Variants in KIAA1328 observed in about 807,000 individuals in gnomAD.
KIAA1328 encodes protein hinderin.
KIAA1328 carries 52 observed loss-of-function variants against 68.1 expected under a neutral mutation model. The observed-to-expected ratio is 0.76, with a 90% CI of 0.61 to 0.96. KIAA1328 has a LOEUF of 0.96. Among genes scored for constraint, KIAA1328 ranks in the 40% least tolerant of loss-of-function variants. The pLI is 0.00. For missense variants in KIAA1328, 641 were observed against 677.6 expected, an observed-to-expected ratio of 0.95 and a Z score of 0.60; for synonymous variants, 232 against 239.4, an observed-to-expected ratio of 0.97 and a Z score of 0.28.
At chr18:37,186,422 C>G (rs1437582483) in intron 9 of KIAA1328, among the ~76,000 whole-genome samples, 1 of 151,654 alleles carries the variant, frequency 6.6e-6, no homozygotes, top group Non-Finnish European at 1.5e-5. Flanking sequence ...AAAAAATTAG[C>G]CAGGCATGGT....
At chr18:37,209,765 A>G (rs1465625658) in intron 9 of KIAA1328, among the ~76,000 whole-genome samples, 1 of 152,182 alleles carries the variant, frequency 6.6e-6, no homozygotes, top group Non-Finnish European at 1.5e-5. Context: ...GAAAAAAAAA[A>G]AAGAGTTCTG....
rs774315647 is a variant in KIAA1328, at chr18:37,067,258, T to G, written c.945T>G (p.Val315=). 3.1e-6 allele frequency: 5 copies of G among 1,613,872 alleles called. No homozygotes were observed. In the African/African-American group the frequency reaches 6.7e-5, roughly 22 times the overall value. Residue 315 remains valine (V), a synonymous_variant, in exon 7 of 10, where the codon GTT becomes GTG. Transcript: ENST00000280020. ...GTCATAGACTTGCTGCAGATCGTGT[T>G]CATGACAGCCATCCTACAAACATGA... is the stretch of plus-strand genomic sequence containing the variant. ...CCGHRLAADR[V]HDSHPTNMTP...
chr18:36,961,574 G>A (rs929873252), intron 6 of KIAA1328, among the ~76,000 whole-genome samples: 2 of 152,112 alleles, frequency 1.3e-5, no homozygotes, highest in African/African-American at 2.4e-5. Flanking sequence ...GAGAAAGGTC[G>A]GGTTACCCAC....
chr18:36,994,360 T>C (rs980997942), intron 6 of KIAA1328, among the ~76,000 whole-genome samples: 1 of 152,188 alleles, frequency 6.6e-6, no homozygotes, highest in African/African-American at 2.4e-5. Context: ...TTTGAAAGAA[T>C]TTTTTAGATC....
At chr18:37,210,540 A>G (rs1306221080) in intron 9 of KIAA1328, among the ~76,000 whole-genome samples, 1 of 152,104 alleles carries the variant, frequency 6.6e-6, no homozygotes, top group African/African-American at 2.4e-5. Flanking sequence ...TTTTCAAGGG[A>G]TGGTACTTTA....
At chr18:37,148,313 C>G (rs1346379664) in intron 7 of KIAA1328, among the ~76,000 whole-genome samples, 1 of 152,120 alleles carries the variant, frequency 6.6e-6, no homozygotes, top group Non-Finnish European at 1.5e-5. Flanking sequence ...GATCTTGTTC[C>G]TTTTTATGAC....
At chr18:37,036,749 A>G (rs1394380685) in intron 6 of KIAA1328, among the ~76,000 whole-genome samples, 2 of 152,354 alleles carry the variant, frequency 1.3e-5, no homozygotes, top group South Asian at 2.1e-4. Flanking sequence ...TTACATGCAC[A>G]CACACACATA....
At chr18:37,074,373 A>G (rs1199225633) in intron 7 of KIAA1328, among the ~76,000 whole-genome samples, 1 of 152,156 alleles carries the variant, frequency 6.6e-6, no homozygotes, top group Non-Finnish European at 1.5e-5. Context: ...TAAGATTTTT[A>G]GTTGTACAGG....
chr18:37,166,366 C>T (rs1429333843), intron 8 of KIAA1328, among the ~76,000 whole-genome samples: 1 of 152,096 alleles, frequency 6.6e-6, no homozygotes, highest in African/African-American at 2.4e-5. Flanking sequence ...CATATGTGGC[C>T]CAGGACAGCT....
chr18:37,026,139 T>C (rs2861084), intron 6 of KIAA1328, among the ~76,000 whole-genome samples: 140,102 of 152,192 alleles, frequency 0.92, 65,600 homozygotes, highest in East Asian at 1. Flanking sequence ...TGGATAAATT[T>C]CTCGACACAT....
At chr18:37,203,775 C>T (rs1449774141) in intron 9 of KIAA1328, among the ~76,000 whole-genome samples, 1 of 151,850 alleles carries the variant, frequency 6.6e-6, no homozygotes, top group Non-Finnish European at 1.5e-5. Flanking sequence ...CATATGCCCT[C>T]AGGCCTTTCC....
In KIAA1328 at chr18:37,015,697, CT is replaced by C. The variant is rs1161775956; in HGVS notation, c.577-51191del. 3.3e-5 allele frequency among the ~76,000 whole-genome samples: 5 copies of C among 151,970 alleles called. No individual in the cohort carries two copies. In the East Asian group the frequency reaches 9.6e-4, roughly 29 times the overall value. On this transcript the variant is annotated intron_variant, in intron 6 of 9. Coordinates refer to ENST00000280020, the MANE Select transcript of KIAA1328 (RefSeq NM_020776.3). Reference sequence around the variant, plus strand: ...CTTTCTGCAGTGTTTTGTAGTTCTCCTTGTAGAAATTTTTCACCTCTTGGCT... The same window carrying C: ...CTTTCTGCAGTGTTTTGTAGTTCTCCTGTAGAAATTTTTCACCTCTTGGCT...
At chr18:36,833,986 C>G (rs1386095805) in intron 1 of KIAA1328, among the ~76,000 whole-genome samples, 1 of 152,030 alleles carries the variant, frequency 6.6e-6, no homozygotes, top group Non-Finnish European at 1.5e-5. Flanking sequence ...AGGAAAGGAA[C>G]CTAATAGTAG....
intron 5 of KIAA1328, among the ~76,000 whole-genome samples, chr18:36,917,161 T>G (rs1332568010): frequency 1.3e-5 from 2 of 152,098 alleles, no homozygotes; most frequent in African/African-American, 2.4e-5. Flanking sequence ...CCTTCATGGG[T>G]CATGTTTTCT....
intron 9 of KIAA1328, among the ~76,000 whole-genome samples, chr18:37,192,965 T>G (rs1215274481): frequency 6.6e-6 from 1 of 152,114 alleles, no homozygotes; most frequent in African/African-American, 2.4e-5. Context: ...ATAATTTTAT[T>G]TTTATACTTG....
intron 5 of KIAA1328, chr18:36,895,642 G>C (rs2048843772): frequency 1.3e-5 from 5 of 398,284 alleles, no homozygotes; most frequent in Admixed American, 7.8e-5. Flanking sequence ...GGCTTAGCAA[G>C]GTTCGTTTGC....
chr18:37,107,880 AG>A (rs1432314063), intron 7 of KIAA1328, among the ~76,000 whole-genome samples: 8 of 113,164 alleles, frequency 7.1e-5, no homozygotes, highest in Non-Finnish European at 1.8e-4. Context: ...AAAAAAAAAC[AG>A]ATGCTGGCAA....
intron 3 of KIAA1328, among the ~76,000 whole-genome samples, chr18:36,842,334 G>C (rs1600943653): frequency 6.6e-6 from 1 of 152,266 alleles, no homozygotes; most frequent in East Asian, 1.9e-4. Flanking sequence ...GGAATCAGCA[G>C]TACTTGCCAG....
chr18:37,090,691 G>T (rs1353183258), intron 7 of KIAA1328, among the ~76,000 whole-genome samples: 2 of 152,138 alleles, frequency 1.3e-5, no homozygotes, highest in Non-Finnish European at 2.9e-5. Context: ...ATTTTGAAAG[G>T]TATATGGTCT....
Sources: gnomAD v4.1 joint callset for allele counts (sites outside exome capture counted in the v4.1 genomes callset) on GRCh38, gnomAD v4.1.1 for gene constraint, MANE v1.5 for transcripts, NCBI Gene and HGNC (gene_info 2026-07-23, HGNC 2026-07-21) for gene names.